SPACA7: variants seen among roughly 807,000 people sequenced by gnomAD.
SPACA7 encodes sperm acrosome-associated protein 7.
Under a neutral mutation model 26.3 loss-of-function variants are expected in SPACA7, and 19 were observed. The ratio of observed to expected loss-of-function variants is 0.72; its 90% CI spans 0.50 to 1.06. SPACA7 has a LOEUF of 1.06. SPACA7 is among the 50% of genes least tolerant of loss of function. The pLI is 0.00. For synonymous variants in SPACA7, 84 were observed against 84.5 expected, an observed-to-expected ratio of 0.99 and a Z score of 0.04; for missense variants, 211 against 229.9, an observed-to-expected ratio of 0.92 and a Z score of 0.53.
chr13:112,406,025 A>G (rs1245133361), intron 5 of SPACA7, among the ~76,000 whole-genome samples: 1 of 152,202 alleles, frequency 6.6e-6, no homozygotes, highest in Non-Finnish European at 1.5e-5. Flanking sequence ...TTTATTTTTT[A>G]GTTTACCATT....
chr13:112,403,210 T>C lies in SPACA7; in HGVS notation c.445+2046T>C, dbSNP rs547708935. Among the ~76,000 whole-genome samples the C allele has an allele frequency of 5.3e-5, 8 of 152,308 alleles. No individual in the cohort carries two copies. The South Asian group carries it at 1.7e-3, about 32-fold the overall frequency. The stretch of plus-strand genomic sequence containing the variant: ...AATCAATGGGGTCAATTTAGCCATC[T>C]ATATTTCCCTAGGAAGTTATCCACT... On this transcript the variant is annotated intron_variant, in intron 5 of 6. Coordinates refer to ENST00000283550, the MANE Select transcript of SPACA7 (RefSeq NM_145248.5).
intron 5 of SPACA7, among the ~76,000 whole-genome samples, chr13:112,427,238 T>C (rs1876625744): frequency 6.6e-6 from 1 of 152,208 alleles, no homozygotes; most frequent in African/African-American, 2.4e-5. Context: ...AAAAGCAACG[T>C]GAACAGTGTA....
At chr13:112,409,254 T>G (rs1174155220) in intron 5 of SPACA7, among the ~76,000 whole-genome samples, 1 of 152,154 alleles carries the variant, frequency 6.6e-6, no homozygotes, top group Non-Finnish European at 1.5e-5. Context: ...CCTAAAATCA[T>G]AAAAACCCTA....
chr13:112,388,567 AG>A (rs750223079), intron 1 of SPACA7, among the ~76,000 whole-genome samples: 1 of 152,194 alleles, frequency 6.6e-6, no homozygotes, highest in African/African-American at 2.4e-5. Flanking sequence ...CCATTGTTGA[AG>A]GGGGGCCACT....
chr13:112,422,873 A>C (rs1876121945), intron 5 of SPACA7, among the ~76,000 whole-genome samples: 1 of 152,234 alleles, frequency 6.6e-6, no homozygotes. Flanking sequence ...GTGTTCTTGG[A>C]GTTAAGCAGA....
In SPACA7 at chr13:112,422,283, A is replaced by T. The variant is rs535285058; in HGVS notation, c.446-10161A>T. On this transcript the variant is annotated intron_variant, in intron 5 of 6. Transcript: ENST00000283550. ...TATGCACTATCCACCACAGAGCTTCAAAACAAGTATGAAGCCAACCTTGAT... is the reference window on the plus strand; with the variant it reads ...TATGCACTATCCACCACAGAGCTTCTAAACAAGTATGAAGCCAACCTTGAT... 9.8e-5 allele frequency among the ~76,000 whole-genome samples: 15 copies of T among 152,322 alleles called. No homozygotes were observed. In the South Asian group the frequency reaches 2.7e-3, roughly 27 times the overall value.
Position 112,401,129 on chromosome 13 carries a change from T to G in SPACA7, c.410T>G (p.Val137Gly). The G allele has an allele frequency of 6.2e-7, 1 of 1,614,136 alleles. No individual in the cohort carries two copies. The highest frequency in any genetic ancestry group is 8.5e-7 in the Non-Finnish European group (1 of 1,180,012). ...DPSENYRGPQ[V>G]SPGSEKSVSS... ...TCTGAGAATTATCGTGGGCCACAGGTGTCTCCTGGCAGTGAGAAGAGTGTT... is the reference window on the plus strand; with the variant it reads ...TCTGAGAATTATCGTGGGCCACAGGGGTCTCCTGGCAGTGAGAAGAGTGTT... Residue 137 changes from valine to glycine, a missense_variant, in exon 5 of 7, where the codon GTG becomes GGG. By Grantham distance (109) the Val-to-Gly change is moderately radical (BLOSUM62 -3). Coordinates refer to ENST00000283550, the MANE Select transcript of SPACA7 (RefSeq NM_145248.5).
At chr13:112,417,774 A>G (rs1886784242) in intron 5 of SPACA7, among the ~76,000 whole-genome samples, 1 of 152,166 alleles carries the variant, frequency 6.6e-6, no homozygotes, top group African/African-American at 2.4e-5. Context: ...GGCTTTTTCT[A>G]GCTCACTTTT....
In SPACA7 at chr13:112,433,150, A is replaced by G. The variant is rs1190566854; in HGVS notation, c.523+629A>G. On this transcript the variant is annotated intron_variant, in intron 6 of 6. Coordinates refer to ENST00000283550, the MANE Select transcript of SPACA7 (RefSeq NM_145248.5). The stretch of plus-strand genomic sequence containing the variant: ...AGTCACATGGCAGCCCAGTGTGCCC[A>G]GCCCCTCCCCCCATACCCTGCAGCA... Among the ~76,000 whole-genome samples, 4 of 150,404 alleles carry G rather than the reference A, an allele frequency of 2.7e-5. No homozygotes were observed. In the East Asian group the frequency reaches 5.9e-4, roughly 22 times the overall value.
intron 1 of SPACA7, among the ~76,000 whole-genome samples, chr13:112,381,753 G>C (rs1385669148): frequency 6.6e-6 from 1 of 152,166 alleles, no homozygotes; most frequent in Non-Finnish European, 1.5e-5. Context: ...ACTGATCAGG[G>C]ATGAAATCAC....
chr13:112,383,087 AAAG>A (rs1566452655), intron 1 of SPACA7, among the ~76,000 whole-genome samples: 1 of 100,784 alleles, frequency 9.9e-6, no homozygotes, highest in East Asian at 3.8e-4. Context: ...AAAGAAAAAG[AAAG>A]AAAGAAAGAA....
At chr13:112,380,137 T>C (rs1183480359) in intron 1 of SPACA7, among the ~76,000 whole-genome samples, 1 of 152,090 alleles carries the variant, frequency 6.6e-6, no homozygotes, top group Non-Finnish European at 1.5e-5. Flanking sequence ...AGACCAGGCC[T>C]GGCGTGGTGG....
intron 4 of SPACA7, among the ~76,000 whole-genome samples, chr13:112,400,592 C>G (rs1012747138): frequency 6.6e-6 from 1 of 152,206 alleles, no homozygotes; most frequent in Non-Finnish European, 1.5e-5. Flanking sequence ...AATGGCACAG[C>G]ATTTCTTCCA....
At chr13:112,397,625 T>C (rs1205981546) in intron 2 of SPACA7, among the ~76,000 whole-genome samples, 4 of 151,978 alleles carry the variant, frequency 2.6e-5, no homozygotes, top group Admixed American at 6.5e-5. Flanking sequence ...GGAGAACCCA[T>C]AGGGACGTAA....
intron 5 of SPACA7, among the ~76,000 whole-genome samples, chr13:112,405,049 C>T (rs1206166462): frequency 2.2e-5 from 3 of 137,382 alleles, no homozygotes; most frequent in Non-Finnish European, 3.0e-5. Context: ...GTGGCGCTAT[C>T]TCGGCTCACT....
chr13:112,385,547 C>G (rs914532177), intron 1 of SPACA7, among the ~76,000 whole-genome samples: 1 of 152,142 alleles, frequency 6.6e-6, no homozygotes, highest in South Asian at 2.1e-4. Flanking sequence ...CCACATGTCT[C>G]CAGGCCTTAT....
intron 5 of SPACA7, among the ~76,000 whole-genome samples, chr13:112,423,395 C>A (rs1445097890): frequency 2.0e-5 from 3 of 151,866 alleles, no homozygotes; most frequent in Non-Finnish European, 4.4e-5. Context: ...CAGAAAATAT[C>A]AAGACACTGT....
intron 1 of SPACA7, among the ~76,000 whole-genome samples, chr13:112,383,189 G>GAAAGA (rs1555324542): frequency 3.0e-5 from 4 of 132,996 alleles, no homozygotes; most frequent in Non-Finnish European, 4.8e-5. Flanking sequence ...AAGAAAGAAA[G>GAAAGA]AAAGAAAAGA....
intron 1 of SPACA7, chr13:112,378,761 C>T (rs1167424320): frequency 8.5e-6 from 4 of 471,030 alleles, no homozygotes; most frequent in Non-Finnish European, 1.8e-5. Context: ...TCAAATCAAC[C>T]TCAGTTTTTA....
Sources: gnomAD v4.1 joint callset for allele counts (sites outside exome capture counted in the v4.1 genomes callset) on GRCh38, gnomAD v4.1.1 for gene constraint, MANE v1.5 for transcripts, NCBI Gene and HGNC (gene_info 2026-07-23, HGNC 2026-07-21) for gene names.